Variants in DYNLRB2 observed in about 807,000 individuals in gnomAD.
DYNLRB2 encodes bithoraxoid-like protein.
DYNLRB2 carries 14 observed loss-of-function variants against 12.6 expected under a neutral mutation model. The observed-to-expected ratio is 1.11, with a 90% confidence interval of 0.73 to 1.73. DYNLRB2 has a LOEUF of 1.73. Ranked by LOEUF, DYNLRB2 falls within the 40% of genes most tolerant of loss-of-function variation. DYNLRB2 has a pLI of 0.00. For missense variants in DYNLRB2, 142 were observed against 117.7 expected (o/e 1.21, Z -0.95); for synonymous variants, 53 against 37.0 (o/e 1.43, Z -1.57).
intron 2 of DYNLRB2, among the ~76,000 whole-genome samples, chr16:80,548,739 A>C (rs926885215): frequency 4.7e-5 from 7 of 149,078 alleles, no homozygotes; most frequent in Non-Finnish European, 7.5e-5. Flanking sequence ...AAAAAAAAAA[A>C]AAATAGAGCA....
intron 2 of DYNLRB2, chr16:80,549,094 T>A (rs1443415195): frequency 4.5e-6 from 2 of 447,240 alleles, no homozygotes; most frequent in South Asian, 1.6e-5. Flanking sequence ...TGCACAAAAA[T>A]GTTCATCATC....
At position 80,541,099 on chromosome 16, in the gene DYNLRB2, C is replaced by T. The variant is rs778119951; in HGVS notation, c.3+20C>T. On this transcript the variant is annotated intron_variant, in intron 1 of 3. Coordinates refer to ENST00000305904, the MANE Select transcript of DYNLRB2 (RefSeq NM_130897.3). ...GCGATGGTAAATCTGGGGTCTCCGTCCACGCCCCGCCGTTCCAAGCACGCC... is the reference window on the plus strand; with the variant it reads ...GCGATGGTAAATCTGGGGTCTCCGTTCACGCCCCGCCGTTCCAAGCACGCC... 6.9e-6 allele frequency: 11 copies of T among 1,595,494 alleles called. 1 individual carries two copies. The South Asian group carries it at 1.2e-4, about 18-fold the overall frequency.
intron 2 of DYNLRB2, among the ~76,000 whole-genome samples, chr16:80,545,967 C>A (rs1024231873): frequency 6.6e-6 from 1 of 152,054 alleles, no homozygotes; most frequent in Non-Finnish European, 1.5e-5. Context: ...CCACGCCCAG[C>A]CTTCAATACC....
chr16:80,549,159 GATT>G (rs1176795854), intron 2 of DYNLRB2: 1 of 368,042 alleles, frequency 2.7e-6, no homozygotes, highest in Non-Finnish European at 5.3e-6. Flanking sequence ...ATAGGAGATT[GATT>G]ATATGTCCAT....
At chr16:80,548,070 G>A (rs994216681) in intron 2 of DYNLRB2, 3 of 284,236 alleles carry the variant, frequency 1.1e-5, no homozygotes, top group Non-Finnish European at 2.1e-5. Flanking sequence ...ATCGTTTCTG[G>A]ACCCACATTC....
At chr16:80,541,107 C>A in intron 1 of DYNLRB2, 28 bp downstream of exon 1, 1 of 1,606,144 alleles carries the variant, frequency 6.2e-7, no homozygotes, top group Non-Finnish European at 8.5e-7. Context: ...GTCCACGCCC[C>A]GCCGTTCCAA....
chr16:80,541,032 G>A lies in DYNLRB2; in HGVS notation c.-45G>A, dbSNP rs77727997. 4,649 of 1,601,310 alleles carry A rather than the reference G, an allele frequency of 2.9e-3. 124 individuals are homozygous for A. In the African/African-American group the frequency reaches 0.056, roughly 19 times the overall value. ...GCGGGTAGCGTTGTTGACATCCCGG[G>A]AGGCTGTGCCGCCGGCCTGAGCCCA... On this transcript the variant is annotated 5_prime_UTR_variant, in exon 1 of 4. Transcript: ENST00000305904.
chr16:80,542,527 C>G (rs906663034), intron 1 of DYNLRB2, among the ~76,000 whole-genome samples: 2 of 152,154 alleles, frequency 1.3e-5, no homozygotes, highest in African/African-American at 4.8e-5. Context: ...TTCAAAATAT[C>G]CAGTGATTGC....
intron 1 of DYNLRB2, among the ~76,000 whole-genome samples, chr16:80,541,974 A>C (rs1904292386): frequency 6.6e-6 from 1 of 152,210 alleles, no homozygotes; most frequent in Admixed American, 6.5e-5. Flanking sequence ...TCACATCGTG[A>C]GAAAGTTATT....
intron 2 of DYNLRB2, among the ~76,000 whole-genome samples, chr16:80,548,679 G>A (rs1027195180): frequency 1.3e-5 from 2 of 149,560 alleles, no homozygotes; most frequent in African/African-American, 4.9e-5. Context: ...CCAAGATCAT[G>A]CCGTCGCACT....
In DYNLRB2 at chr16:80,550,513, A is replaced by G; in HGVS notation, c.248-2A>G. The G allele has an allele frequency of 1.2e-6, 2 of 1,614,176 alleles. No homozygotes were observed. The highest frequency in any genetic ancestry group is 2.2e-5 in the South Asian group (2 of 91,080). On this transcript the variant is annotated splice_acceptor_variant, in intron 3 of 3. Transcript: ENST00000305904. LOFTEE classifies it high-confidence loss of function. ...GAATTGATTTTATCCATCTCTCCAT[A>G]GATAAGGAATATCTTCTGATCGTCA...
intron 2 of DYNLRB2, chr16:80,548,914 G>C (rs750960683): frequency 1.0e-4 from 47 of 455,904 alleles, no homozygotes; most frequent in Admixed American, 6.8e-4. Flanking sequence ...AGCATGTGCA[G>C]TGATATCCCT....
At chr16:80,542,169 T>G (rs1306565036) in intron 1 of DYNLRB2, among the ~76,000 whole-genome samples, 1 of 152,216 alleles carries the variant, frequency 6.6e-6, no homozygotes, top group Non-Finnish European at 1.5e-5. Flanking sequence ...TCATTTTGTT[T>G]GTTTTACAGT....
intron 2 of DYNLRB2, among the ~76,000 whole-genome samples, chr16:80,544,413 C>A (rs1179062720): frequency 1.3e-5 from 2 of 152,122 alleles, no homozygotes; most frequent in African/African-American, 4.8e-5. Flanking sequence ...GATAATAGAA[C>A]ATAATAAATT....
intron 2 of DYNLRB2, chr16:80,549,140 G>A (rs776386089): frequency 1.4e-4 from 56 of 394,082 alleles, no homozygotes; most frequent in Non-Finnish European, 2.6e-4. Flanking sequence ...GGTACCAAAT[G>A]ACCAAACAAT....
Position 80,549,487 on chromosome 16 carries a change from T to A in DYNLRB2, c.83T>A (p.Ile28Asn). 1 of 1,595,538 alleles carries A rather than the reference T, an allele frequency of 6.3e-7. No homozygotes were observed. Among genetic ancestry groups the A allele is most frequent in the East Asian group, 2.2e-5 (1 of 44,594 alleles). ...IGTMVVNAEG[I>N]PIRTTLDNST... ...CCAAAATTAAATTTCATAATAGGTATTCCCATCCGAACAACCTTGGACAAC... is the reference window on the plus strand; with the variant it reads ...CCAAAATTAAATTTCATAATAGGTAATCCCATCCGAACAACCTTGGACAAC... The change falls in exon 3 of 4, where the codon ATT (isoleucine) becomes AAT (asparagine). Residue 28 changes from isoleucine (I) to asparagine (N), a missense_variant. Physicochemically the swap from Ile to Asn is moderately radical, Grantham distance 149 (BLOSUM62 -3). Transcript: ENST00000305904.
At chr16:80,543,664 A>G (rs189459995) in intron 2 of DYNLRB2, among the ~76,000 whole-genome samples, 1 of 152,216 alleles carries the variant, frequency 6.6e-6, no homozygotes, top group Non-Finnish European at 1.5e-5. Context: ...CAATAAAACT[A>G]TCATATAGAA....
At chr16:80,541,119 C>T (rs1401377430) in intron 1 of DYNLRB2, 40 bp downstream of exon 1, 3 of 1,602,716 alleles carry the variant, frequency 1.9e-6, no homozygotes, top group African/African-American at 2.7e-5. Context: ...CCGTTCCAAG[C>T]ACGCCGACCG....
At chr16:80,541,970 C>T (rs77680257) in intron 1 of DYNLRB2, among the ~76,000 whole-genome samples, 34 of 152,278 alleles carry the variant, frequency 2.2e-4, no homozygotes, top group African/African-American at 7.9e-4. Context: ...TGAATCACAT[C>T]GTGAGAAAGT....
Sources: allele counts gnomAD v4.1 joint callset (sites outside exome capture counted in the v4.1 genomes callset), GRCh38; gene constraint gnomAD v4.1.1; transcripts MANE v1.5; gene names NCBI Gene and HGNC (gene_info 2026-07-23, HGNC 2026-07-21).